Variants in VIPR2 observed in about 807,000 individuals in gnomAD.
VIPR2 encodes vasoactive intestinal polypeptide receptor 2.
A neutral mutation model predicts 58.0 loss-of-function variants in VIPR2; 48 were observed. The ratio of observed to expected loss-of-function variants is 0.83; its 90% CI spans 0.66 to 1.05. The LOEUF (loss-of-function observed/expected upper bound fraction) is 1.05. Ranked by LOEUF, VIPR2 falls within the 50% of genes least tolerant of loss-of-function variation. The pLI is 0.00. For missense variants in VIPR2, 534 were observed against 558.0 expected (o/e 0.96, Z 0.43); for synonymous variants, 243 against 235.2 (o/e 1.03, Z -0.30).
chr7:159,121,218 C>T (rs1196218429), intron 2 of VIPR2, among the ~76,000 whole-genome samples: 1 of 145,568 alleles, frequency 6.9e-6, no homozygotes, highest in Non-Finnish European at 1.5e-5. Flanking sequence ...GTTCTGATTC[C>T]TCCTTCCTCG....
At chr7:159,132,473 C>T (rs2129497561) in intron 2 of VIPR2, among the ~76,000 whole-genome samples, 1 of 152,022 alleles carries the variant, frequency 6.6e-6, no homozygotes, top group African/African-American at 2.4e-5. Context: ...AGTCGGAGGC[C>T]TCAGGTAAGA....
intron 2 of VIPR2, among the ~76,000 whole-genome samples, chr7:159,139,755 C>T (rs539301095): frequency 6.6e-6 from 1 of 152,228 alleles, no homozygotes; most frequent in Non-Finnish European, 1.5e-5. Flanking sequence ...GGAGGTCACA[C>T]CCCTCCAGAC....
intron 4 of VIPR2, among the ~76,000 whole-genome samples, chr7:159,061,577 C>A (rs1362510336): frequency 6.6e-6 from 1 of 151,668 alleles, no homozygotes; most frequent in Non-Finnish European, 1.5e-5. Flanking sequence ...TCACCTGTGC[C>A]AGGAAGGTGG....
intron 2 of VIPR2, among the ~76,000 whole-genome samples, chr7:159,131,930 A>T (rs1338999721): frequency 7.1e-6 from 1 of 140,522 alleles, no homozygotes; most frequent in African/African-American, 3.0e-5. Context: ...AAGCTCAACA[A>T]CCAGATGTAG....
chr7:159,132,986 TAGAC>T (rs1797031756), intron 2 of VIPR2, among the ~76,000 whole-genome samples: 2 of 107,404 alleles, frequency 1.9e-5, no homozygotes, highest in Admixed American at 1.8e-4. Context: ...CGATTGATTT[TAGAC>T]AGAATGATTG....
chr7:159,132,862 T>TGATTGGCATACAGACTGATTTC (rs1563355309), intron 2 of VIPR2, among the ~76,000 whole-genome samples: 2 of 48,216 alleles, frequency 4.1e-5, no homozygotes, highest in African/African-American at 7.7e-5. Flanking sequence ...CGATTGATTT[T>TGATTGGCATACAGACTGATTTC]AGACAGAATG....
At chr7:159,049,524 G>C (rs1854857593) in intron 5 of VIPR2, among the ~76,000 whole-genome samples, 1 of 152,192 alleles carries the variant, frequency 6.6e-6, no homozygotes, top group African/African-American at 2.4e-5. Flanking sequence ...CCATAGCGAG[G>C]GCAGCCTCAC....
At chr7:159,047,555 T>A (rs1331516036) in intron 5 of VIPR2, among the ~76,000 whole-genome samples, 2 of 152,210 alleles carry the variant, frequency 1.3e-5, no homozygotes, top group Admixed American at 6.5e-5. Flanking sequence ...AACCCTGAAT[T>A]TATTGCAATT....
intron 2 of VIPR2, among the ~76,000 whole-genome samples, chr7:159,131,805 C>T (rs1234298984): frequency 6.6e-6 from 1 of 152,188 alleles, no homozygotes; most frequent in Non-Finnish European, 1.5e-5. Flanking sequence ...AATTCCTGAG[C>T]AGACACAACC....
intron 3 of VIPR2, among the ~76,000 whole-genome samples, 181 bp from the exon 4 acceptor site, chr7:159,104,035 G>T (rs1404302447): frequency 6.6e-6 from 1 of 152,208 alleles, no homozygotes; most frequent in African/African-American, 2.4e-5. Flanking sequence ...GACCTGGACA[G>T]CAGGTCACCT....
At chr7:159,040,402 C>T (rs1199086699) in intron 6 of VIPR2, among the ~76,000 whole-genome samples, 3 of 152,264 alleles carry the variant, frequency 2.0e-5, no homozygotes, top group African/African-American at 7.2e-5. Flanking sequence ...AGGCAGGACT[C>T]AGCTTAGTAA....
rs753287663 is a variant in VIPR2 at position 159,034,615 on chromosome 7, C to A, written c.845G>T (p.Trp282Leu). 2 of 1,614,026 alleles carry A rather than the reference C, an allele frequency of 1.2e-6. No homozygotes were observed. Among genetic ancestry groups the A allele is most frequent in the Non-Finnish European group, 1.7e-6 (2 of 1,179,956 alleles). ...WDTNDHSVPW[W>L]VIRIPILISI... ...AATTAAAATCGGTATTCGTATGACCCACCAGGGCACACTGTGGTCGTTTGT... is the reference window on the plus strand; with the variant it reads ...AATTAAAATCGGTATTCGTATGACCAACCAGGGCACACTGTGGTCGTTTGT... The change falls in exon 9 of 13, where the codon TGG becomes TTG. Residue 282 changes from tryptophan to leucine, a missense_variant. By Grantham distance (61) the Trp-to-Leu change is moderately conservative. Coordinates refer to ENST00000262178, the MANE Select transcript of VIPR2 (RefSeq NM_003382.5).
chr7:159,064,173 C>A (rs894441888), intron 4 of VIPR2, among the ~76,000 whole-genome samples: 1 of 152,036 alleles, frequency 6.6e-6, no homozygotes, highest in Non-Finnish European at 1.5e-5. Context: ...GGAGGCGATG[C>A]GGCTGCTGGG....
At chr7:159,047,186 A>T (rs1355288966) in intron 5 of VIPR2, among the ~76,000 whole-genome samples, 2 of 152,218 alleles carry the variant, frequency 1.3e-5, no homozygotes, top group Non-Finnish European at 2.9e-5. Flanking sequence ...GATTGAATCC[A>T]GGAGCCGAGA....
At chr7:159,063,765 G>T (rs563771772) in intron 4 of VIPR2, among the ~76,000 whole-genome samples, 26 of 127,322 alleles carry the variant, frequency 2.0e-4, no homozygotes, top group African/African-American at 7.9e-4. Flanking sequence ...ACCTGGCGGG[G>T]TCTGGGAGTC....
intron 2 of VIPR2, among the ~76,000 whole-genome samples, chr7:159,125,989 G>A (rs1796636597): frequency 6.6e-6 from 1 of 152,122 alleles, no homozygotes; most frequent in Non-Finnish European, 1.5e-5. Context: ...AGTGTTTATG[G>A]TTAAACAAAG....
At chr7:159,065,649 T>C (rs751341065) in intron 4 of VIPR2, among the ~76,000 whole-genome samples, 4 of 152,214 alleles carry the variant, frequency 2.6e-5, no homozygotes, top group Non-Finnish European at 4.4e-5. Context: ...GACCATCAGA[T>C]TGACCAGGAA....
intron 4 of VIPR2, among the ~76,000 whole-genome samples, chr7:159,062,302 C>A (rs1855730474): frequency 6.6e-6 from 1 of 152,140 alleles, no homozygotes; most frequent in Admixed American, 6.5e-5. Flanking sequence ...GCGAGGTGTT[C>A]GTAATTCGTG....
At chr7:159,085,830 C>T (rs547797341) in intron 4 of VIPR2, among the ~76,000 whole-genome samples, 3 of 152,160 alleles carry the variant, frequency 2.0e-5, no homozygotes, top group African/African-American at 4.8e-5. Flanking sequence ...GGGCAAAGAT[C>T]GGCAGTTGCC....
Sources: allele counts gnomAD v4.1 joint callset (sites outside exome capture counted in the v4.1 genomes callset), GRCh38; gene constraint gnomAD v4.1.1; transcripts MANE v1.5; gene names NCBI Gene and HGNC (gene_info 2026-07-23, HGNC 2026-07-21).